The following KNTC1 variants were observed in gnomAD, a reference collection of about 807,000 sequenced individuals.
The protein encoded by KNTC1 is kinetochore-associated protein 1.
A neutral mutation model predicts 314.4 loss-of-function variants in KNTC1; 253 were observed. That is an observed-to-expected ratio of 0.80 (90% CI 0.73 to 0.89). The LOEUF (loss-of-function observed/expected upper bound fraction) is 0.89, where lower values mean the gene tolerates loss of function less well. Ranked by LOEUF, KNTC1 falls within the 40% of genes least tolerant of loss-of-function variation. The pLI is 0.00. For synonymous variants in KNTC1, 901 were observed against 901.4 expected (o/e 1.00, Z 0.01); for missense variants, 2,475 against 2,572.9 (o/e 0.96, Z 0.82).
intron 42 of KNTC1, among the ~76,000 whole-genome samples, chr12:122,591,992 C>G (rs995499226): frequency 6.6e-6 from 1 of 152,298 alleles, no homozygotes; most frequent in South Asian, 2.1e-4. Context: ...AAGGCCAGAG[C>G]CGGCTCCCTC....
At chr12:122,625,857 G>A (rs189633241) in intron 63 of KNTC1, among the ~76,000 whole-genome samples, 1 of 152,182 alleles carries the variant, frequency 6.6e-6, no homozygotes, top group East Asian at 1.9e-4. Context: ...GAATATTTTG[G>A]TAGCTTTAGT....
At chr12:122,551,391 T>C (rs1462000795) in intron 14 of KNTC1, 29 bp downstream of exon 14, 1 of 1,580,476 alleles carries the variant, frequency 6.3e-7, no homozygotes, top group Non-Finnish European at 8.6e-7. Flanking sequence ...TGTTAAGTAA[T>C]AGCTATGTTA....
At chr12:122,597,449 A>G (rs1026868751) in intron 43 of KNTC1, 12 of 351,682 alleles carry the variant, frequency 3.4e-5, no homozygotes, top group Middle Eastern at 9.9e-4. Context: ...GGGTTTCACT[A>G]TGTTGGCCAG....
intron 51 of KNTC1, among the ~76,000 whole-genome samples, chr12:122,608,452 A>G (rs551389639): frequency 2.0e-5 from 3 of 152,198 alleles, no homozygotes; most frequent in South Asian, 4.1e-4. Context: ...TTAATTAGCA[A>G]TTTTTATATC....
intron 57 of KNTC1, among the ~76,000 whole-genome samples, 188 bp downstream of exon 57, chr12:122,615,714 G>A (rs2138171815): frequency 6.6e-6 from 1 of 152,276 alleles, no homozygotes; most frequent in Non-Finnish European, 1.5e-5. Flanking sequence ...TTGAGCCCAG[G>A]AGTTTGAGGC....
chr12:122,585,019 A>C (rs2138004579), intron 36 of KNTC1, 29 bp downstream of exon 36: 1 of 1,322,750 alleles, frequency 7.6e-7, no homozygotes, highest in Non-Finnish European at 1.1e-6. Context: ...TTTTCCCTTA[A>C]ATCCTGGGCA....
chr12:122,623,432 C>G (rs1874652220), intron 62 of KNTC1, among the ~76,000 whole-genome samples: 1 of 152,160 alleles, frequency 6.6e-6, no homozygotes, highest in South Asian at 2.1e-4. Flanking sequence ...CTTGAGAGGT[C>G]TTTCTTTCTC....
chr12:122,592,128 G>A (rs576963402), intron 42 of KNTC1, among the ~76,000 whole-genome samples: 2 of 152,172 alleles, frequency 1.3e-5, no homozygotes, highest in South Asian at 2.1e-4. Context: ...GCGGCCGGCC[G>A]GCCCTGCCGG....
intron 43 of KNTC1, among the ~76,000 whole-genome samples, chr12:122,595,171 TG>T (rs1870870301): frequency 6.6e-6 from 1 of 152,238 alleles, no homozygotes; most frequent in Non-Finnish European, 1.5e-5. Flanking sequence ...CCACTGCGCC[TG>T]AACAAGAATT....
At chr12:122,580,530 A>G (rs1363628495) in intron 32 of KNTC1, 73 bp from the exon 33 acceptor site, 3 of 931,690 alleles carry the variant, frequency 3.2e-6, no homozygotes, top group Non-Finnish European at 5.0e-6. Context: ...GCTAATTAAA[A>G]TTTCTTCTTT....
At chr12:122,562,440 TGTGTG>T (rs1964035203) in intron 19 of KNTC1, among the ~76,000 whole-genome samples, 193 bp from the exon 20 acceptor site, 1 of 5,208 alleles carries the variant, frequency 1.9e-4, no homozygotes, top group African/African-American at 2.2e-4. Context: ...TCCCATGTTT[TGTGTG>T]TGTGTGTGTG....
intron 44 of KNTC1, among the ~76,000 whole-genome samples, chr12:122,599,120 T>C (rs1871471269): frequency 6.6e-6 from 1 of 152,016 alleles, no homozygotes; most frequent in Non-Finnish European, 1.5e-5. Flanking sequence ...TTTTATACTT[T>C]TGTCTGATTT....
At chr12:122,588,629 A>G in intron 39 of KNTC1, 83 bp from the exon 40 acceptor site, 1 of 1,006,156 alleles carries the variant, frequency 9.9e-7, no homozygotes, top group Non-Finnish European at 1.4e-6. Flanking sequence ...ATGAATTTTC[A>G]CCAAAGTTCC....
chr12:122,611,446 C>T (rs1167775927), intron 53 of KNTC1: 1 of 152,418 alleles, frequency 6.6e-6, no homozygotes, highest in African/African-American at 2.4e-5. Context: ...AAAAGGAAGT[C>T]TGAGGTGCTG....
Position 122,588,809 on chromosome 12 carries a change from T to G in KNTC1, c.3992T>G (p.Leu1331Arg). ...ATCAGGGAAAATGCTACAACACTAC[T>G]GCACAAAGTAAGTATTTGTTCTGGG... is the stretch of plus-strand genomic sequence containing the variant. ...IFIRENATTL[L>R]HKVFNCRLVD... The change falls in exon 40 of 64, where the codon CTG (leucine) becomes CGG (arginine). Residue 1331 changes from leucine to arginine, a missense_variant. Coordinates refer to ENST00000333479, the MANE Select transcript of KNTC1 (RefSeq NM_014708.6). The G allele has an allele frequency of 1.3e-6, 2 of 1,527,514 alleles. No homozygotes were observed. The highest frequency in any genetic ancestry group is 1.8e-6 in the Non-Finnish European group (2 of 1,139,808). The allele number at this position is 1,527,514 out of a possible 1,614,324, so 94.6% of individuals were successfully genotyped here. A position where few individuals can be genotyped will look rare whatever the true frequency, so the allele number is the denominator to read the frequency against.
rs61751323 is a variant in KNTC1, at chr12:122,584,409, T to C, written c.3395T>C (p.Ile1132Thr). ...GTGGGACTGAATCTTCCTTCCATGA[T>C]ACATGATCTAGCAAGCCAAGCTGCC... ...VPVGLNLPSM[I>T]HDLASQAATI... Residue 1132 changes from isoleucine to threonine, a missense_variant, in exon 35 of 64, where the codon ATA (isoleucine) becomes ACA (threonine). By Grantham distance (89) the Ile-to-Thr change is moderately conservative. Transcript: ENST00000333479. 418 of 1,612,442 alleles carry C rather than the reference T, an allele frequency of 2.6e-4. No individual in the cohort carries two copies. Among genetic ancestry groups the C allele is most frequent in the Non-Finnish European group, 3.3e-4 (388 of 1,179,030 alleles).
chr12:122,571,203 A>G, intron 24 of KNTC1, 77 bp downstream of exon 24: 1 of 1,019,264 alleles, frequency 9.8e-7, no homozygotes, highest in Non-Finnish European at 1.5e-6. Context: ...TATGTGAAGT[A>G]TCTGGAAATA....
intron 37 of KNTC1, among the ~76,000 whole-genome samples, chr12:122,586,409 G>T (rs771631237): frequency 1.3e-5 from 2 of 152,094 alleles, no homozygotes; most frequent in Non-Finnish European, 2.9e-5. Flanking sequence ...TCTGGATGCT[G>T]CTTCTTCAGT....
intron 62 of KNTC1, among the ~76,000 whole-genome samples, chr12:122,624,022 C>T (rs1874729623): frequency 6.6e-6 from 1 of 152,026 alleles, no homozygotes; most frequent in African/African-American, 2.4e-5. Context: ...GAGCCGAGAT[C>T]GCACCATTGC....
Sources: gnomAD v4.1 joint callset for allele counts (sites outside exome capture counted in the v4.1 genomes callset) on GRCh38, gnomAD v4.1.1 for gene constraint, MANE v1.5 for transcripts, NCBI Gene and HGNC (gene_info 2026-07-23, HGNC 2026-07-21) for gene names.